Variants in NFASC observed in about 807,000 individuals in gnomAD.
NFASC encodes neurofascin homolog.
Under a neutral mutation model 147.5 loss-of-function variants are expected in NFASC, and 43 were observed. That is an observed-to-expected ratio of 0.29 (90% confidence interval 0.23 to 0.38). The LOEUF is 0.38. Ranked by LOEUF, NFASC falls within the 10% of genes least tolerant of loss-of-function variation. NFASC has a pLI of 1.00. For missense variants in NFASC, 1,320 were observed against 1,689.0 expected (o/e 0.78, Z 3.83); for synonymous variants, 622 against 665.5 (o/e 0.93, Z 1.01).
intron 1 of NFASC, among the ~76,000 whole-genome samples, chr1:204,853,155 C>G (rs1166037860): frequency 6.6e-6 from 1 of 152,152 alleles, no homozygotes. Flanking sequence ...GATGTCATTT[C>G]TAAAACATAG....
At chr1:204,994,598 C>T (rs774622114) in intron 24 of NFASC, among the ~76,000 whole-genome samples, 1 of 152,192 alleles carries the variant, frequency 6.6e-6, no homozygotes, top group African/African-American at 2.4e-5. Context: ...AAGGGAGGCC[C>T]AGGCTCCTGC....
intron 1 of NFASC, among the ~76,000 whole-genome samples, chr1:204,872,526 A>G (rs1252551070): frequency 6.6e-6 from 1 of 152,094 alleles, no homozygotes; most frequent in Non-Finnish European, 1.5e-5. Context: ...TGTGTGGTCA[A>G]CTCAACCGCA....
At chr1:204,870,893 C>A (rs1342779451) in intron 1 of NFASC, 1 of 1,203,464 alleles carries the variant, frequency 8.3e-7, no homozygotes, top group Admixed American at 3.3e-5. Flanking sequence ...GCTGTGTTTT[C>A]TCTGAGGCCA....
At chr1:205,014,967 C>G (rs2096323126) in intron 29 of NFASC, among the ~76,000 whole-genome samples, 1 of 152,170 alleles carries the variant, frequency 6.6e-6, no homozygotes, top group Non-Finnish European at 1.5e-5. Context: ...AGAGCTGCCT[C>G]CCTCACACCA....
chr1:204,872,622 C>T (rs536363399), intron 1 of NFASC, among the ~76,000 whole-genome samples: 14 of 152,270 alleles, frequency 9.2e-5, no homozygotes, highest in Non-Finnish European at 1.8e-4. Flanking sequence ...TCTGTTGTAA[C>T]ATTGTCATTT....
chr1:204,848,063 T>C (rs1448836324), intron 1 of NFASC, among the ~76,000 whole-genome samples: 3 of 152,120 alleles, frequency 2.0e-5, no homozygotes, highest in Non-Finnish European at 2.9e-5. Flanking sequence ...ATTCCCCCAT[T>C]TCCCAGCAGG....
chr1:204,948,337 G>T (rs888437672), intron 3 of NFASC, among the ~76,000 whole-genome samples: 1 of 152,246 alleles, frequency 6.6e-6, no homozygotes, highest in African/African-American at 2.4e-5. Context: ...GTCCCTGTAA[G>T]AAATTCCTTA....
chr1:204,841,148 C>A (rs1039006736), intron 1 of NFASC, among the ~76,000 whole-genome samples: 16 of 152,334 alleles, frequency 1.1e-4, no homozygotes, highest in African/African-American at 3.4e-4. Flanking sequence ...ATTGACTGGA[C>A]ACCTACTCTG....
At chr1:204,974,548 G>C in intron 13 of NFASC, 109 bp from the exon 14 acceptor site, 1 of 1,304,886 alleles carries the variant, frequency 7.7e-7, no homozygotes, top group African/African-American at 1.4e-5. Flanking sequence ...CAGTCTCCTA[G>C]CATGGGGCTC....
intron 1 of NFASC, among the ~76,000 whole-genome samples, chr1:204,855,867 T>C (rs1485915580): frequency 6.6e-6 from 1 of 152,170 alleles, no homozygotes; most frequent in Non-Finnish European, 1.5e-5. Flanking sequence ...ACCATGTAAC[T>C]GGGATTGGGC....
chr1:204,893,043 A>G (rs2082699944), intron 1 of NFASC, among the ~76,000 whole-genome samples: 1 of 152,262 alleles, frequency 6.6e-6, no homozygotes, highest in Non-Finnish European at 1.5e-5. Context: ...CTTGAACTAA[A>G]GAATCTGTAG....
At chr1:204,878,267 T>C (rs1462375133) in intron 1 of NFASC, among the ~76,000 whole-genome samples, 1 of 152,242 alleles carries the variant, frequency 6.6e-6, no homozygotes, top group Non-Finnish European at 1.5e-5. Context: ...GCAAAGAAAC[T>C]GAGGAGAGTC....
intron 1 of NFASC, among the ~76,000 whole-genome samples, chr1:204,897,386 G>T (rs1255564180): frequency 6.6e-6 from 1 of 152,118 alleles, no homozygotes; most frequent in Admixed American, 6.5e-5. Flanking sequence ...CCGGAGCAAG[G>T]CCTTGTAAAC....
intron 1 of NFASC, among the ~76,000 whole-genome samples, chr1:204,879,104 A>G (rs1490036190): frequency 6.6e-6 from 1 of 152,252 alleles, no homozygotes; most frequent in East Asian, 1.9e-4. Flanking sequence ...CAACCAGTGC[A>G]AAACAAGTCT....
At chr1:205,014,548 A>G (rs1480454075) in intron 29 of NFASC, among the ~76,000 whole-genome samples, 1 of 152,098 alleles carries the variant, frequency 6.6e-6, no homozygotes, top group Non-Finnish European at 1.5e-5. Flanking sequence ...CTAGACCTTG[A>G]AGATGTCTCA....
Position 205,002,581 on chromosome 1 carries a change from G to T in NFASC, c.3137-15G>T. 6.8e-7 allele frequency: 1 copy of T among 1,470,564 alleles called. No homozygotes were observed. Among genetic ancestry groups the T allele is most frequent in the East Asian group, 2.5e-5 (1 of 40,704 alleles). 91.1% of individuals were successfully genotyped at this position (1,470,564 alleles called of 1,614,324 possible). On this transcript the variant is annotated splice_polypyrimidine_tract_variant and intron_variant, in intron 26 of 29. Transcript: ENST00000339876. ...GGTGCCTGGCTCTAGGCTGATTGAG[G>T]TTTCTGTTCCCCAGGCAACCATACG...
chr1:204,897,908 G>A (rs1054464738), intron 1 of NFASC, among the ~76,000 whole-genome samples: 4 of 152,038 alleles, frequency 2.6e-5, no homozygotes, highest in Admixed American at 6.5e-5. Context: ...GCTAATTTGT[G>A]TATTTTTTTC....
At chr1:204,840,828 A>C (rs1162901172) in intron 1 of NFASC, among the ~76,000 whole-genome samples, 2 of 152,242 alleles carry the variant, frequency 1.3e-5, no homozygotes, top group African/African-American at 4.8e-5. Context: ...GAGGGCAGAG[A>C]CTGAATTAGG....
intron 1 of NFASC, among the ~76,000 whole-genome samples, chr1:204,831,413 G>T (rs1340239541): frequency 6.6e-6 from 1 of 150,874 alleles, no homozygotes; most frequent in African/African-American, 2.4e-5. Context: ...AGAGCTGGGG[G>T]TGGGGTTCTG....
Sources: allele counts gnomAD v4.1 joint callset (sites outside exome capture counted in the v4.1 genomes callset), GRCh38; gene constraint gnomAD v4.1.1; transcripts MANE v1.5; gene names NCBI Gene and HGNC (gene_info 2026-07-23, HGNC 2026-07-21).